CPXM2: variants seen among roughly 807,000 people sequenced by gnomAD.
The protein encoded by CPXM2 is inactive carboxypeptidase-like protein X2.
A neutral mutation model predicts 86.1 loss-of-function variants in CPXM2; 66 were observed. The ratio of observed to expected loss-of-function variants is 0.77; its 90% CI spans 0.63 to 0.94. CPXM2 has a LOEUF of 0.94. Ranked by LOEUF, CPXM2 falls within the 40% of genes least tolerant of loss-of-function variation. The pLI is 0.00. For missense variants in CPXM2, 948 were observed against 1,026.3 expected, an observed-to-expected ratio of 0.92 and a Z score of 1.04; for synonymous variants, 388 against 400.2, an observed-to-expected ratio of 0.97 and a Z score of 0.36.
intron 6 of CPXM2, among the ~76,000 whole-genome samples, chr10:123,787,851 G>A (rs571541979): frequency 6.6e-5 from 10 of 152,208 alleles, no homozygotes; most frequent in African/African-American, 1.4e-4. Context: ...CAAGTTACCC[G>A]GGGATGGCGG....
intron 6 of CPXM2, among the ~76,000 whole-genome samples, chr10:123,790,534 C>T (rs1047054620): frequency 6.6e-6 from 1 of 152,208 alleles, no homozygotes; most frequent in African/African-American, 2.4e-5. Context: ...GAGAGCTGAA[C>T]ATACTGACAT....
chr10:123,783,097 C>A (rs1846971800), intron 6 of CPXM2, among the ~76,000 whole-genome samples: 1 of 152,220 alleles, frequency 6.6e-6, no homozygotes, highest in Non-Finnish European at 1.5e-5. Context: ...AATGGAGGGA[C>A]CCTCAGTTCC....
intron 3 of CPXM2, among the ~76,000 whole-genome samples, chr10:123,858,747 C>T (rs531130308): frequency 2.0e-5 from 3 of 152,350 alleles, no homozygotes; most frequent in East Asian, 3.9e-4. Flanking sequence ...AAGACTGAAG[C>T]ATCTTGAAGG....
intron 2 of CPXM2, among the ~76,000 whole-genome samples, chr10:123,897,831 C>T (rs1320488242): frequency 1.3e-5 from 2 of 152,256 alleles, no homozygotes; most frequent in Admixed American, 1.3e-4. Context: ...CGGCCCCCGG[C>T]TCATCACTGC....
At position 123,865,353 on chromosome 10, in the gene CPXM2, T is replaced by A. The variant is rs980346402; in HGVS notation, c.404-2630A>T. Among the ~76,000 whole-genome samples the A allele has an allele frequency of 2.0e-5, 3 of 151,776 alleles. No individual in the cohort carries two copies. Among genetic ancestry groups the A allele is most frequent in the African/African-American group, 7.3e-5 (3 of 41,318 alleles). The stretch of plus-strand genomic sequence containing the variant: ...ATGTCCTTGAAAGGCAAAGACAGAG[T>A]TACTGATCCGCCTGGGTTAGTGAGG... On this transcript the variant is annotated intron_variant, in intron 2 of 13. Coordinates refer to ENST00000241305, the MANE Select transcript of CPXM2 (RefSeq NM_198148.3). The surrounding 1 kb of genome is among the most constrained non-coding windows in gnomAD (Gnocchi z 4.7).
intron 6 of CPXM2, among the ~76,000 whole-genome samples, chr10:123,793,166 G>A (rs1432593572): frequency 6.6e-6 from 1 of 152,142 alleles, no homozygotes; most frequent in African/African-American, 2.4e-5. Context: ...TTGCTGAGGA[G>A]CAAAAGTGGA....
chr10:123,898,664 C>G (rs1945357456), intron 2 of CPXM2, among the ~76,000 whole-genome samples: 1 of 139,342 alleles, frequency 7.2e-6, no homozygotes, highest in Non-Finnish European at 1.6e-5. Flanking sequence ...ACAAAAGTTC[C>G]AGATCATTTT....
At chr10:123,818,791 C>T (rs1480707204) in intron 4 of CPXM2, among the ~76,000 whole-genome samples, 1 of 152,162 alleles carries the variant, frequency 6.6e-6, no homozygotes, top group East Asian at 1.9e-4. Flanking sequence ...CAATACTTTG[C>T]AGGGCTGGGG....
chr10:123,880,623 A>T (rs890488610), intron 1 of CPXM2, among the ~76,000 whole-genome samples: 1 of 151,956 alleles, frequency 6.6e-6, no homozygotes, highest in Non-Finnish European at 1.5e-5. Context: ...AGGTCAGGAG[A>T]TCAAGACCAT....
chr10:123,775,992 G>A (rs149305636), intron 7 of CPXM2, among the ~76,000 whole-genome samples: 2 of 152,266 alleles, frequency 1.3e-5, no homozygotes, highest in East Asian at 1.9e-4. Context: ...TGGAGTTTGC[G>A]TCTTTGTGGT....
chr10:123,858,968 C>T (rs73366760), intron 3 of CPXM2, among the ~76,000 whole-genome samples: 4 of 152,200 alleles, frequency 2.6e-5, no homozygotes, highest in South Asian at 2.1e-4. Context: ...TTCCTGATGA[C>T]GACACTGAGC....
intron 7 of CPXM2, among the ~76,000 whole-genome samples, chr10:123,771,817 TTTTA>T (rs1846639990): frequency 6.6e-6 from 1 of 152,162 alleles, no homozygotes; most frequent in African/African-American, 2.4e-5. Context: ...CATCTGATGG[TTTTA>T]TTAAGGGGCT....
intron 2 of CPXM2, among the ~76,000 whole-genome samples, chr10:123,927,825 C>G (rs980354026): frequency 3.3e-5 from 5 of 152,208 alleles, no homozygotes; most frequent in Non-Finnish European, 5.9e-5. Flanking sequence ...GGTTTTAGTT[C>G]CCACCTACTT....
In CPXM2 at chr10:123,842,369, T is replaced by C; in HGVS notation, c.633A>G (p.Gln211=). ...CTCACAGCCAGAGGGAGTTCCTCCC[T>C]TGAGTGATGACACCAGTGAATCTGG... ...RLTRFTGVIT[Q]GRNSLWLSDW... Residue 211 remains glutamine, a synonymous_variant, in exon 4 of 14, where the codon CAA becomes CAG. Transcript: ENST00000241305. The C allele has an allele frequency of 3.7e-6, 6 of 1,614,244 alleles. No individual in the cohort carries two copies. Among genetic ancestry groups the C allele is most frequent in the Non-Finnish European group, 5.1e-6 (6 of 1,180,044 alleles).
intron 3 of CPXM2, among the ~76,000 whole-genome samples, chr10:123,856,569 G>A (rs950825485): frequency 2.6e-5 from 4 of 152,136 alleles, no homozygotes; most frequent in African/African-American, 9.6e-5. Context: ...ATCCAAGCAT[G>A]TTTTGTTTTG....
chr10:123,943,322 GGAC>G (rs551092073), upstream of CPXM2, among the ~76,000 whole-genome samples: 150 of 152,282 alleles, frequency 9.9e-4, 1 homozygote, highest in African/African-American at 3.3e-3. Context: ...CTTTTAACAA[GGAC>G]AACAGGGCAA....
intron 3 of CPXM2, among the ~76,000 whole-genome samples, chr10:123,859,053 G>C (rs1270775290): frequency 6.6e-6 from 1 of 152,194 alleles, no homozygotes; most frequent in African/African-American, 2.4e-5. Context: ...ATCCCAGCCT[G>C]TGAGCCCCAT....
intron 10 of CPXM2, among the ~76,000 whole-genome samples, chr10:123,765,901 T>C (rs1846460794): frequency 6.6e-6 from 1 of 152,196 alleles, no homozygotes; most frequent in Non-Finnish European, 1.5e-5. Context: ...GAATCCCCAG[T>C]AGAAGTCCGA....
chr10:123,911,000 G>A (rs915003572), intron 2 of CPXM2, among the ~76,000 whole-genome samples: 1 of 152,274 alleles, frequency 6.6e-6, no homozygotes, highest in Middle Eastern at 3.4e-3. Context: ...GTGTGTCTGT[G>A]TCTGTGTCCA....
Sources: gnomAD v4.1 joint callset for allele counts (sites outside exome capture counted in the v4.1 genomes callset) on GRCh38, gnomAD v4.1.1 for gene constraint, Gnocchi (gnomAD v3.1) non-coding constraint, MANE v1.5 for transcripts, NCBI Gene and HGNC (gene_info 2026-07-23, HGNC 2026-07-21) for gene names.